The following KHDRBS2 variants were observed in gnomAD, a reference collection of about 807,000 sequenced individuals.
The protein encoded by KHDRBS2 is KH RNA binding domain containing, signal transduction associated 2.
In KHDRBS2, 26 loss-of-function variants were observed where a neutral mutation model predicts 44.3. The ratio of observed to expected loss-of-function variants is 0.59; its 90% CI spans 0.43 to 0.81. The LOEUF is 0.81. Ranked by LOEUF, KHDRBS2 falls within the 40% of genes least tolerant of loss-of-function variation. The pLI, the probability that KHDRBS2 is intolerant of heterozygous loss-of-function variation, is 0.00. For synonymous variants in KHDRBS2, 194 were observed against 151.1 expected, an observed-to-expected ratio of 1.28 and a Z score of -2.08; for missense variants, 476 against 433.1, an observed-to-expected ratio of 1.10 and a Z score of -0.88.
At chr6:61,627,940 C>A in the KHDRBS2 span, among the ~76,000 whole-genome samples, 3 of 152,138 alleles carry the variant, frequency 2.0e-5, no homozygotes, top group African/African-American at 4.8e-5. Context: ...GGCCTGGGAA[C>A]TCTAGACCTT....
intron 8 of KHDRBS2, among the ~76,000 whole-genome samples, chr6:61,686,085 T>A (rs186948282): frequency 1.1e-3 from 165 of 151,920 alleles, no homozygotes; most frequent in African/African-American, 3.9e-3. Context: ...TGGAGCTTAC[T>A]GAGTGCAGTC....
rs1284970168 is a variant in KHDRBS2 at position 61,680,089 on chromosome 6, T to A, written c.*874A>T. 1 of 152,354 alleles carries A rather than the reference T, an allele frequency of 6.6e-6. No homozygotes were observed. Among genetic ancestry groups the A allele is most frequent in the East Asian group, 1.9e-4 (1 of 5,154 alleles). 9.4% of individuals were successfully genotyped at this position (152,354 alleles called of 1,614,324 possible). On this transcript the variant is annotated 3_prime_UTR_variant, in exon 9 of 9. Transcript: ENST00000281156. ...TTTTAAATTATTTAACAACCATAAG[T>A]TATTAATACATTTTTAAGTATTACA...
At chr6:61,658,759 C>T in the KHDRBS2 span, among the ~76,000 whole-genome samples, 1 of 151,914 alleles carries the variant, frequency 6.6e-6, no homozygotes, top group Non-Finnish European at 1.5e-5. Context: ...AGTACACAAT[C>T]CACATTTGTG....
intron 3 of KHDRBS2, among the ~76,000 whole-genome samples, chr6:62,044,629 A>G (rs891439777): frequency 1.3e-5 from 2 of 152,188 alleles, no homozygotes. Flanking sequence ...ATTAAACAAT[A>G]TATCCTGCAA....
At chr6:61,760,152 T>C (rs1779065601) in intron 6 of KHDRBS2, among the ~76,000 whole-genome samples, 2 of 152,242 alleles carry the variant, frequency 1.3e-5, no homozygotes, top group South Asian at 2.1e-4. Context: ...TACATTGTGC[T>C]AAACATCCGG....
At chr6:62,133,062 T>C (rs1424171837) in intron 2 of KHDRBS2, among the ~76,000 whole-genome samples, 1 of 152,168 alleles carries the variant, frequency 6.6e-6, no homozygotes, top group Non-Finnish European at 1.5e-5. Flanking sequence ...ACAATACATA[T>C]ACAAACGGGC....
At chr6:61,762,229 T>A (rs905386499) in intron 6 of KHDRBS2, among the ~76,000 whole-genome samples, 18 of 152,210 alleles carry the variant, frequency 1.2e-4, no homozygotes, top group Non-Finnish European at 5.9e-5. Context: ...CATAATTGAT[T>A]CTCAGATATG....
At chr6:62,083,415 AC>A (rs1328436507) in intron 2 of KHDRBS2, among the ~76,000 whole-genome samples, 1 of 152,102 alleles carries the variant, frequency 6.6e-6, no homozygotes, top group Non-Finnish European at 1.5e-5. Context: ...CATTTGTGCA[AC>A]CTGATTCCTC....
intron 2 of KHDRBS2, among the ~76,000 whole-genome samples, chr6:62,150,444 G>C (rs575106099): frequency 1.4e-4 from 21 of 152,154 alleles, no homozygotes; most frequent in African/African-American, 4.3e-4. Flanking sequence ...TTTTGTAAGC[G>C]GCCACTGATC....
intron 6 of KHDRBS2, among the ~76,000 whole-genome samples, chr6:61,812,548 T>C (rs1788284474): frequency 6.6e-6 from 1 of 152,050 alleles, no homozygotes; most frequent in African/African-American, 2.4e-5. Flanking sequence ...ATGCATCGTA[T>C]ATTATAATGA....
chr6:61,645,384 A>G, the KHDRBS2 span, among the ~76,000 whole-genome samples: 13 of 152,050 alleles, frequency 8.5e-5, no homozygotes, highest in African/African-American at 2.9e-4. Context: ...CACCTGAGTG[A>G]TTTAAAAAAA....
chr6:61,891,566 A>G (rs771438068), intron 6 of KHDRBS2, among the ~76,000 whole-genome samples: 1 of 151,826 alleles, frequency 6.6e-6, no homozygotes, highest in Non-Finnish European at 1.5e-5. Context: ...CTGGTCCTGG[A>G]CTGTTTTTGG....
chr6:61,906,306 G>A (rs1403939483), intron 4 of KHDRBS2, among the ~76,000 whole-genome samples: 1 of 151,946 alleles, frequency 6.6e-6, no homozygotes, highest in Non-Finnish European at 1.5e-5. Context: ...TAAATGTGAT[G>A]TTTTGATATA....
At chr6:62,039,724 TC>T (rs1371035664) in intron 3 of KHDRBS2, among the ~76,000 whole-genome samples, 2 of 152,046 alleles carry the variant, frequency 1.3e-5, no homozygotes, top group African/African-American at 2.4e-5. Context: ...AGATAAATCT[TC>T]AACAATCTAA....
intron 8 of KHDRBS2, among the ~76,000 whole-genome samples, chr6:61,690,850 A>G (rs1211708205): frequency 1.3e-5 from 2 of 152,074 alleles, no homozygotes; most frequent in African/African-American, 2.4e-5. Context: ...TTCAAGTACA[A>G]TTTGGTCTTA....
the KHDRBS2 span, among the ~76,000 whole-genome samples, chr6:61,618,775 C>T: frequency 6.6e-6 from 1 of 152,190 alleles, no homozygotes; most frequent in African/African-American, 2.4e-5. Context: ...CCTCCAGCTC[C>T]ATCCATGTGC....
the KHDRBS2 span, among the ~76,000 whole-genome samples, chr6:61,649,376 T>C: frequency 1.3e-5 from 2 of 152,282 alleles, no homozygotes; most frequent in African/African-American, 2.4e-5. Flanking sequence ...TAAAAACAAA[T>C]GCATGTGTAA....
the KHDRBS2 span, among the ~76,000 whole-genome samples, chr6:61,635,016 C>CT: frequency 1.3e-5 from 2 of 151,854 alleles, no homozygotes; most frequent in Non-Finnish European, 1.5e-5. Context: ...AACTAGTTTT[C>CT]TTTTTTTAAC....
intron 6 of KHDRBS2, among the ~76,000 whole-genome samples, chr6:61,844,838 G>A (rs1269864189): frequency 2.0e-5 from 3 of 152,010 alleles, no homozygotes; most frequent in Admixed American, 1.3e-4. Context: ...TATTTTCCTT[G>A]TAATTGTTCA....
Sources: allele counts gnomAD v4.1 joint callset (sites outside exome capture counted in the v4.1 genomes callset), GRCh38; gene constraint gnomAD v4.1.1; transcripts MANE v1.5; gene names NCBI Gene and HGNC (gene_info 2026-07-23, HGNC 2026-07-21).